The following DENND2B variants were observed in gnomAD, a reference collection of about 807,000 sequenced individuals.
The protein encoded by DENND2B is DENN domain containing 2B.
DENND2B carries 32 observed loss-of-function variants against 116.0 expected under a neutral mutation model. The ratio of observed to expected loss-of-function variants is 0.28; its 90% CI spans 0.21 to 0.37. DENND2B has a LOEUF of 0.37. Among genes scored for constraint, DENND2B ranks in the 10% least tolerant of loss-of-function variants. The pLI is 1.00. For synonymous variants in DENND2B, 588 were observed against 583.9 expected, an observed-to-expected ratio of 1.01 and a Z score of -0.10; for missense variants, 1,276 against 1,477.7, an observed-to-expected ratio of 0.86 and a Z score of 2.24.
chr11:8,707,016 C>A lies in DENND2B; in HGVS notation c.2571+69G>T. On this transcript the variant is annotated intron_variant, in intron 13 of 19. Coordinates refer to ENST00000313726, the MANE Select transcript of DENND2B (RefSeq NM_213618.2). This position sits in a 1 kb window ranked among gnomAD's most constrained non-coding sequence, Gnocchi z 4.8. ...GCTCTGCAACCCCCAAAGACTACGA[C>A]CTTGGCCAGCATGGTCCTCCTGCCA... The A allele has an allele frequency of 1.3e-6, 2 of 1,560,412 alleles. No individual in the cohort carries two copies. Among genetic ancestry groups the A allele is most frequent in the African/African-American group, 2.7e-5 (2 of 73,948 alleles).
intron 1 of DENND2B, among the ~76,000 whole-genome samples, chr11:8,791,979 T>G (rs547353295): frequency 6.2e-5 from 3 of 48,128 alleles, no homozygotes; most frequent in Admixed American, 3.4e-4. Context: ...CCAAGGCGCG[T>G]GGATCACCTG....
rs577374603 is a variant in DENND2B, at chr11:8,846,109, C to T, written c.-155-6759G>A. Among the ~76,000 whole-genome samples, 71 of 152,294 alleles carry T rather than the reference C, an allele frequency of 4.7e-4. 1 individual carries two copies. The highest frequency in any genetic ancestry group is 1.6e-3 in the African/African-American group (68 of 41,566). On this transcript the variant is annotated intron_variant, in intron 3 of 6. Transcript: ENST00000524757. ...GGAAACCATGGTCCACAGAGCAACA[C>T]AGACAGGGACGTGCCAGAGGACATA... is the stretch of plus-strand genomic sequence containing the variant.
chr11:8,860,474 T>C (rs995214847), intron 2 of DENND2B, among the ~76,000 whole-genome samples: 1 of 151,658 alleles, frequency 6.6e-6, no homozygotes, highest in East Asian at 2.0e-4. Flanking sequence ...TACCTAGTAA[T>C]ATACTTAACT....
At chr11:8,716,365 A>G (rs1206948142) in intron 5 of DENND2B, among the ~76,000 whole-genome samples, 3 of 152,050 alleles carry the variant, frequency 2.0e-5, no homozygotes, top group African/African-American at 7.2e-5. Context: ...TGGATCCCAT[A>G]CCCACAAGGC....
At chr11:8,751,550 G>A (rs757369722) in intron 1 of DENND2B, among the ~76,000 whole-genome samples, 5 of 152,062 alleles carry the variant, frequency 3.3e-5, no homozygotes, top group Non-Finnish European at 5.9e-5. Flanking sequence ...TCACTCCTGA[G>A]CCAGCGAGAC....
chr11:8,701,446 A>G (rs1417732183), intron 14 of DENND2B, among the ~76,000 whole-genome samples: 3 of 151,156 alleles, frequency 2.0e-5, no homozygotes, highest in African/African-American at 7.3e-5. Context: ...CTTCTTATCA[A>G]ACTGGCTGGT....
chr11:8,909,935 G>T (rs558445768), intron 1 of DENND2B: 3 of 152,288 alleles, frequency 2.0e-5, no homozygotes, highest in East Asian at 3.9e-4. Flanking sequence ...GCGCTGGGTG[G>T]TGCGGCTGAG....
intron 1 of DENND2B, among the ~76,000 whole-genome samples, chr11:8,764,041 T>C (rs2055155577): frequency 6.6e-6 from 1 of 151,922 alleles, no homozygotes; most frequent in African/African-American, 2.4e-5. Flanking sequence ...CTGGCCAACA[T>C]GGTGAAACCC....
intron 2 of DENND2B, among the ~76,000 whole-genome samples, chr11:8,876,970 AG>A (rs2063849031): frequency 6.6e-6 from 1 of 151,698 alleles, no homozygotes; most frequent in Admixed American, 6.6e-5. Context: ...AGAGTAAATG[AG>A]AGGAGATGTC....
At chr11:8,753,342 T>G (rs1210377723) in intron 1 of DENND2B, among the ~76,000 whole-genome samples, 1 of 151,964 alleles carries the variant, frequency 6.6e-6, no homozygotes. Context: ...AAATAATAAA[T>G]CACTTAGAAA....
chr11:8,877,100 C>T (rs1182370813), intron 2 of DENND2B, among the ~76,000 whole-genome samples: 30 of 93,042 alleles, frequency 3.2e-4, no homozygotes, highest in Admixed American at 7.9e-4. Context: ...CTTGAAGATA[C>T]TTTTTTTTTT....
intron 1 of DENND2B, among the ~76,000 whole-genome samples, chr11:8,883,299 C>G (rs902841378): frequency 6.6e-6 from 1 of 152,108 alleles, no homozygotes; most frequent in Non-Finnish European, 1.5e-5. Flanking sequence ...TGATAAATTT[C>G]TTTTCCAAAA....
intron 1 of DENND2B, among the ~76,000 whole-genome samples, chr11:8,772,154 CA>C (rs2134189577): frequency 6.6e-6 from 1 of 151,864 alleles, no homozygotes; most frequent in Admixed American, 6.6e-5. Context: ...CACACACACA[CA>C]CACACCAAAA....
chr11:8,814,057 G>A (rs142221412), upstream of DENND2B, among the ~76,000 whole-genome samples: 418 of 152,196 alleles, frequency 2.7e-3, 6 homozygotes, highest in African/African-American at 9.7e-3. Context: ...AGAAACCTGG[G>A]AGACATCCTC....
chr11:8,697,388 A>G, intron 17 of DENND2B, 137 bp downstream of exon 17: 1 of 648,884 alleles, frequency 1.5e-6, no homozygotes, highest in Non-Finnish European at 2.7e-6. Flanking sequence ...GGTAGAAAAG[A>G]CGCTAGAGTG....
chr11:8,816,173 C>A (rs1391429980), intron 4 of DENND2B, among the ~76,000 whole-genome samples: 1 of 152,154 alleles, frequency 6.6e-6, no homozygotes, highest in Non-Finnish European at 1.5e-5. Context: ...TCAAATGCCT[C>A]TGGGAAGCCT....
At chr11:8,805,060 A>G (rs1461178897) in intron 1 of DENND2B, among the ~76,000 whole-genome samples, 2 of 152,190 alleles carry the variant, frequency 1.3e-5, no homozygotes, top group African/African-American at 4.8e-5. Context: ...GTACTATTAC[A>G]TCCATTCTAC....
chr11:8,700,136 T>C, intron 14 of DENND2B: 1 of 388,818 alleles, frequency 2.6e-6, no homozygotes, highest in Middle Eastern at 7.7e-4. Flanking sequence ...AAAAGAAACC[T>C]CATGGTCCAG....
chr11:8,701,234 T>G (rs983266052), intron 14 of DENND2B, among the ~76,000 whole-genome samples: 3 of 151,938 alleles, frequency 2.0e-5, no homozygotes, highest in African/African-American at 4.8e-5. Context: ...CTCTTGCCCT[T>G]GCCCCTACAG....
Sources: allele counts gnomAD v4.1 joint callset (sites outside exome capture counted in the v4.1 genomes callset), GRCh38; gene constraint gnomAD v4.1.1; non-coding constraint Gnocchi (gnomAD v3.1); transcripts MANE v1.5; gene names NCBI Gene and HGNC (gene_info 2026-07-23, HGNC 2026-07-21).